HYCC1: variants seen among roughly 807,000 people sequenced by gnomAD.
HYCC1 encodes the protein hyccin.
the HYCC1 span, among the ~76,000 whole-genome samples, chr7:22,924,534 T>C: frequency 6.6e-6 from 1 of 152,366 alleles, no homozygotes; most frequent in Admixed American, 6.5e-5. Flanking sequence ...CAGGAGATTA[T>C]ATCCCGCACA....
chr7:22,944,131 C>T, the HYCC1 span: 2 of 152,148 alleles, frequency 1.3e-5, no homozygotes, highest in Non-Finnish European at 2.9e-5. Context: ...CAGCAAGGGA[C>T]TATGAAGAAG....
the HYCC1 span, among the ~76,000 whole-genome samples, chr7:22,983,291 T>C: frequency 1.3e-5 from 2 of 148,704 alleles, no homozygotes; most frequent in Non-Finnish European, 1.5e-5. Context: ...ATCACACCAC[T>C]GCACTCCAGC....
At chr7:22,933,561 T>C in the HYCC1 span, among the ~76,000 whole-genome samples, 1 of 152,158 alleles carries the variant, frequency 6.6e-6, no homozygotes, top group African/African-American at 2.4e-5. Context: ...ATTTGTGTCT[T>C]GTGTCTTTGA....
chr7:22,895,863 T>G, the HYCC1 span, among the ~76,000 whole-genome samples: 1 of 152,244 alleles, frequency 6.6e-6, no homozygotes, highest in African/African-American at 2.4e-5. Context: ...CTGTTTTTAT[T>G]ATGATGATTT....
At chr7:22,954,847 A>T in the HYCC1 span, among the ~76,000 whole-genome samples, 1 of 151,582 alleles carries the variant, frequency 6.6e-6, no homozygotes, top group Non-Finnish European at 1.5e-5. Flanking sequence ...ACCATTTAAC[A>T]TCTGCCAGGA....
At chr7:22,941,698 AC>A in the HYCC1 span, 5 of 152,206 alleles carry the variant, frequency 3.3e-5, no homozygotes, top group Non-Finnish European at 7.4e-5. Context: ...TGCACAAGTT[AC>A]AAAGTATAGA....
the HYCC1 span, among the ~76,000 whole-genome samples, chr7:22,970,250 A>G: frequency 1.3e-5 from 2 of 152,232 alleles, no homozygotes. Flanking sequence ...AATGTTTTAT[A>G]ACTAGGAAAA....
At chr7:22,962,926 A>G in the HYCC1 span, among the ~76,000 whole-genome samples, 1 of 152,150 alleles carries the variant, frequency 6.6e-6, no homozygotes, top group African/African-American at 2.4e-5. Flanking sequence ...AGGAGTATTA[A>G]GAAAAACCCT....
the HYCC1 span, among the ~76,000 whole-genome samples, chr7:22,990,725 T>C: frequency 2.0e-5 from 3 of 152,222 alleles, no homozygotes; most frequent in Admixed American, 6.5e-5. Context: ...CCAGTTCCAC[T>C]GCCCTCCAAA....
At chr7:22,939,334 T>C in the HYCC1 span, 1 of 152,206 alleles carries the variant, frequency 6.6e-6, no homozygotes, top group Non-Finnish European at 1.5e-5. Context: ...ATAGATCCTG[T>C]TGAACTGCCC....
At chr7:23,000,553 T>C in the HYCC1 span, among the ~76,000 whole-genome samples, 43 of 152,294 alleles carry the variant, frequency 2.8e-4, 1 homozygote, top group East Asian at 7.7e-3. Context: ...TTTCACCTAA[T>C]ATATCATGGA....
At chr7:22,990,865 C>T in the HYCC1 span, among the ~76,000 whole-genome samples, 1 of 152,102 alleles carries the variant, frequency 6.6e-6, no homozygotes, top group Non-Finnish European at 1.5e-5. Context: ...ACTCTTTGAA[C>T]CACTTGGGGG....
the HYCC1 span, chr7:22,985,445 T>C: frequency 6.6e-6 from 1 of 152,140 alleles, no homozygotes; most frequent in South Asian, 2.1e-4. Flanking sequence ...AAAATTGCCA[T>C]TGCTTATACT....
chr7:23,005,003 C>T, the HYCC1 span, among the ~76,000 whole-genome samples: 198 of 152,258 alleles, frequency 1.3e-3, no homozygotes, highest in African/African-American at 4.6e-3. Flanking sequence ...GACAGGGTTT[C>T]ACCGTGTTAG....
chr7:22,964,026 C>T, the HYCC1 span, among the ~76,000 whole-genome samples: 1 of 151,432 alleles, frequency 6.6e-6, no homozygotes, highest in African/African-American at 2.4e-5. Context: ...ATCAAAGAGG[C>T]TCTGAAATTT....
the HYCC1 span, among the ~76,000 whole-genome samples, chr7:22,947,409 GCA>G: frequency 6.6e-6 from 1 of 151,938 alleles, no homozygotes; most frequent in African/African-American, 2.4e-5. Flanking sequence ...TACTCTGATA[GCA>G]CCAGAGACAA....
At chr7:22,973,727 C>T in the HYCC1 span, among the ~76,000 whole-genome samples, 8 of 152,026 alleles carry the variant, frequency 5.3e-5, no homozygotes, top group African/African-American at 2.4e-5. Context: ...GTTTTTAAAG[C>T]CAGTTTTTAC....
the HYCC1 span, among the ~76,000 whole-genome samples, chr7:22,951,124 G>GA: frequency 6.6e-6 from 1 of 151,848 alleles, no homozygotes; most frequent in African/African-American, 2.4e-5. Context: ...CCAGCTTTAA[G>GA]AAAAAAAGTG....
At chr7:22,935,494 C>G in the HYCC1 span, 14 of 152,202 alleles carry the variant, frequency 9.2e-5, no homozygotes, top group Non-Finnish European at 1.5e-4. Context: ...ATTTCCTAAG[C>G]CCTCTTTTAT....
Sources: allele counts gnomAD v4.1 joint callset (sites outside exome capture counted in the v4.1 genomes callset), GRCh38; gene constraint gnomAD v4.1.1; transcripts MANE v1.5; gene names NCBI Gene and HGNC (gene_info 2026-07-23, HGNC 2026-07-21).